Variants in RAB38 observed in about 807,000 individuals in gnomAD.
The protein encoded by RAB38 is ras-related protein Rab-38.
In RAB38, 15 loss-of-function variants were observed where a neutral mutation model predicts 18.4. The observed-to-expected ratio is 0.82, with a 90% CI of 0.55 to 1.26. The LOEUF is 1.26. Among genes scored for constraint, RAB38 ranks in the 50% most tolerant of loss-of-function variants. The pLI is 0.00. For missense variants in RAB38, 294 were observed against 267.4 expected (o/e 1.10, Z -0.69); for synonymous variants, 101 against 104.4 (o/e 0.97, Z 0.20).
chr11:88,039,550 A>C, the RAB38 span, among the ~76,000 whole-genome samples: 1 of 152,172 alleles, frequency 6.6e-6, no homozygotes, highest in Non-Finnish European at 1.5e-5. Flanking sequence ...GGAGGGATTA[A>C]GAGCTGTCTC....
chr11:87,895,342 G>T, the RAB38 span, among the ~76,000 whole-genome samples: 1 of 151,680 alleles, frequency 6.6e-6, no homozygotes, highest in East Asian at 2.0e-4. Flanking sequence ...ATGAACAAGA[G>T]TTGTAGGAAT....
chr11:87,966,916 A>C, the RAB38 span, among the ~76,000 whole-genome samples: 1 of 152,204 alleles, frequency 6.6e-6, no homozygotes, highest in Non-Finnish European at 1.5e-5. Context: ...AGAGCTTCGC[A>C]TTGAACAAAT....
chr11:88,132,781 A>G (rs889607593), intron 2 of RAB38, among the ~76,000 whole-genome samples: 1 of 152,196 alleles, frequency 6.6e-6, no homozygotes, highest in East Asian at 1.9e-4. Flanking sequence ...TTTTAAGGGT[A>G]AAAATAATAG....
chr11:87,952,118 C>G, the RAB38 span, among the ~76,000 whole-genome samples: 1 of 152,096 alleles, frequency 6.6e-6, no homozygotes, highest in Non-Finnish European at 1.5e-5. Flanking sequence ...CATCCCCAAG[C>G]AGGTCATTCC....
chr11:87,913,154 C>T, the RAB38 span, among the ~76,000 whole-genome samples: 2 of 151,924 alleles, frequency 1.3e-5, no homozygotes, highest in African/African-American at 4.8e-5. Context: ...GAAACTAATG[C>T]ATTTTCTACT....
At chr11:88,136,639 A>G (rs932778583) in intron 2 of RAB38, among the ~76,000 whole-genome samples, 4 of 152,224 alleles carry the variant, frequency 2.6e-5, no homozygotes, top group African/African-American at 9.6e-5. Context: ...CATTCAAAAG[A>G]TTTGCACACA....
At chr11:87,885,878 C>T in the RAB38 span, among the ~76,000 whole-genome samples, 5 of 151,976 alleles carry the variant, frequency 3.3e-5, no homozygotes, top group Non-Finnish European at 5.9e-5. Flanking sequence ...GCAAAAATTA[C>T]ACTAAAATTT....
chr11:87,852,060 T>C, the RAB38 span, among the ~76,000 whole-genome samples: 3 of 152,030 alleles, frequency 2.0e-5, no homozygotes, highest in Admixed American at 6.6e-5. Flanking sequence ...AAATGTACAA[T>C]GGAATGGTAA....
At chr11:88,008,058 G>A in the RAB38 span, among the ~76,000 whole-genome samples, 1 of 152,084 alleles carries the variant, frequency 6.6e-6, no homozygotes, top group Non-Finnish European at 1.5e-5. Context: ...CAGGAGAGTT[G>A]TGACATGTGG....
At chr11:88,126,869 A>T (rs577485011) in intron 2 of RAB38, among the ~76,000 whole-genome samples, 4 of 152,312 alleles carry the variant, frequency 2.6e-5, no homozygotes, top group Admixed American at 1.3e-4. Flanking sequence ...ATAAAGTGAG[A>T]GGAGATATAT....
the RAB38 span, among the ~76,000 whole-genome samples, chr11:87,874,147 A>AT: frequency 1.3e-5 from 2 of 150,918 alleles, no homozygotes; most frequent in African/African-American, 2.4e-5. Flanking sequence ...TCATAGAGAA[A>AT]TTTTTTTATG....
the RAB38 span, among the ~76,000 whole-genome samples, chr11:87,970,700 G>A: frequency 6.6e-6 from 1 of 152,088 alleles, no homozygotes; most frequent in East Asian, 1.9e-4. Context: ...AAGGGCGCTA[G>A]GGTGAAGGAG....
At chr11:87,842,816 GCACACACACACACA>G in the RAB38 span, among the ~76,000 whole-genome samples, 21 of 147,350 alleles carry the variant, frequency 1.4e-4, no homozygotes, top group East Asian at 1.4e-3. Context: ...ACACGCGCGC[GCACACACACACACA>G]CACACACACA....
intron 2 of RAB38, among the ~76,000 whole-genome samples, chr11:88,145,997 G>T (rs757011940): frequency 2.0e-5 from 3 of 152,166 alleles, no homozygotes; most frequent in African/African-American, 7.2e-5. Flanking sequence ...ACGCAGAAAA[G>T]ACTATTTTCT....
At chr11:88,158,466 A>G (rs1295181524) in intron 1 of RAB38, among the ~76,000 whole-genome samples, 1 of 152,120 alleles carries the variant, frequency 6.6e-6, no homozygotes, top group Non-Finnish European at 1.5e-5. Context: ...TGACAGACAC[A>G]ATGAAAAAAG....
At chr11:88,168,922 A>T (rs562233216) in intron 1 of RAB38, among the ~76,000 whole-genome samples, 1 of 152,262 alleles carries the variant, frequency 6.6e-6, no homozygotes, top group East Asian at 1.9e-4. Context: ...CTAATACCTT[A>T]TTCTCATCCC....
the RAB38 span, among the ~76,000 whole-genome samples, chr11:88,077,023 GA>G: frequency 5.4e-5 from 6 of 111,110 alleles, no homozygotes; most frequent in African/African-American, 1.5e-4. Flanking sequence ...GAAAAGAAAA[GA>G]AAAGAAAGAA....
chr11:87,926,236 T>A, the RAB38 span, among the ~76,000 whole-genome samples: 1 of 152,016 alleles, frequency 6.6e-6, no homozygotes, highest in Non-Finnish European at 1.5e-5. Context: ...CTAGTTTCTC[T>A]TTCACATCTC....
At chr11:88,112,959 T>C (rs148479755), downstream of RAB38, among the ~76,000 whole-genome samples, 48 of 152,244 alleles carry the variant, frequency 3.2e-4, no homozygotes, top group Middle Eastern at 3.4e-3. Context: ...TTTATGTTGA[T>C]TGATCTGGCA....
Sources: allele counts gnomAD v4.1 joint callset (sites outside exome capture counted in the v4.1 genomes callset), GRCh38; gene constraint gnomAD v4.1.1; transcripts MANE v1.5; gene names NCBI Gene and HGNC (gene_info 2026-07-23, HGNC 2026-07-21).